FRMD4A: variants seen among roughly 807,000 people sequenced by gnomAD.
The protein encoded by FRMD4A is FERM domain-containing protein 4A.
In FRMD4A, 29 loss-of-function variants were observed where a neutral mutation model predicts 129.1. The ratio of observed to expected loss-of-function variants is 0.22; its 90% CI spans 0.17 to 0.31. The LOEUF (loss-of-function observed/expected upper bound fraction) is 0.31, where lower values mean the gene tolerates loss of function less well. Ranked by LOEUF, FRMD4A falls within the 10% of genes least tolerant of loss-of-function variation. The pLI, the probability that FRMD4A is intolerant of heterozygous loss-of-function variation, is 1.00. For missense variants in FRMD4A, 1,272 were observed against 1,375.8 expected (o/e 0.92, Z 1.19); for synonymous variants, 634 against 571.6 (o/e 1.11, Z -1.56).
intron 2 of FRMD4A, among the ~76,000 whole-genome samples, chr10:14,279,279 C>T (rs923796017): frequency 3.3e-5 from 5 of 150,996 alleles, no homozygotes; most frequent in Admixed American, 6.6e-5. Flanking sequence ...ACCTCCGCCT[C>T]CCAGGTTCAT....
chr10:13,914,297 A>G (rs1187127715), intron 2 of FRMD4A, among the ~76,000 whole-genome samples: 3 of 152,236 alleles, frequency 2.0e-5, no homozygotes, highest in East Asian at 1.9e-4. Context: ...TAAAATAACC[A>G]TATACAAGGA....
intron 2 of FRMD4A, among the ~76,000 whole-genome samples, chr10:14,145,639 A>C (rs532584800): frequency 6.6e-6 from 1 of 152,220 alleles, no homozygotes; most frequent in Non-Finnish European, 1.5e-5. Flanking sequence ...CAAAAATTAT[A>C]TTGACTGTTA....
chr10:13,821,931 C>T lies in FRMD4A; in HGVS notation c.112-11023G>A, dbSNP rs911266871. ...GTGCCCGCCACACCTCCATCCTTTG[C>T]CCCCGCTAATGTTACACTTAGGGGA... On this transcript the variant is annotated intron_variant, in intron 3 of 24. Coordinates refer to ENST00000357447, the MANE Select transcript of FRMD4A (RefSeq NM_018027.5). This position sits in a 1 kb window ranked among gnomAD's most constrained non-coding sequence, Gnocchi z 4.3. 6.6e-6 allele frequency among the ~76,000 whole-genome samples: 1 copy of T among 152,122 alleles called. No homozygotes were observed. The highest frequency in any genetic ancestry group is 6.6e-5 in the Admixed American group (1 of 15,266).
intron 2 of FRMD4A, among the ~76,000 whole-genome samples, chr10:14,169,781 C>T (rs923758979): frequency 1.3e-5 from 2 of 152,188 alleles, no homozygotes; most frequent in Non-Finnish European, 2.9e-5. Flanking sequence ...CAAATCTCCT[C>T]TTATTCAAGT....
intron 2 of FRMD4A, among the ~76,000 whole-genome samples, chr10:14,135,278 A>G (rs1165295497): frequency 2.0e-5 from 3 of 152,204 alleles, no homozygotes; most frequent in African/African-American, 7.2e-5. Flanking sequence ...CTAACTTAGG[A>G]GTATGTGCCT....
intron 2 of FRMD4A, among the ~76,000 whole-genome samples, chr10:14,286,440 G>A (rs1845683179): frequency 6.6e-6 from 1 of 152,078 alleles, no homozygotes; most frequent in Admixed American, 6.5e-5. Context: ...TGCTCAAATT[G>A]CATTTTTTAT....
At chr10:13,792,593 G>T (rs1015879420) in intron 5 of FRMD4A, among the ~76,000 whole-genome samples, 1 of 152,164 alleles carries the variant, frequency 6.6e-6, no homozygotes, top group African/African-American at 2.4e-5. Flanking sequence ...TTTTAATTCG[G>T]AATAATCAGA....
Position 14,210,685 on chromosome 10 carries a change from C to A in FRMD4A, c.45+119373G>T, listed in dbSNP as rs555349548. On this transcript the variant is annotated intron_variant, in intron 2 of 24. Transcript: ENST00000357447. ...AGCATCTCCAATAGCCGCACTGTAT[C>A]ATGTGGGCCTTGACTGTGGATTTCC... Among the ~76,000 whole-genome samples, 22 of 152,234 alleles carry A rather than the reference C, an allele frequency of 1.4e-4. No individual in the cohort carries two copies. In the South Asian group the frequency reaches 4.6e-3, roughly 32 times the overall value.
intron 2 of FRMD4A, among the ~76,000 whole-genome samples, chr10:14,107,704 T>C (rs7893529): frequency 0.65 from 98,586 of 152,076 alleles, 32,093 homozygotes; most frequent in East Asian, 0.78. Flanking sequence ...AAACAGCATA[T>C]ACTTTCTCAC....
In FRMD4A at chr10:13,850,208, CA is replaced by C. The variant is rs200364280; in HGVS notation, c.111+8638del. On this transcript the variant is annotated intron_variant, in intron 3 of 24. Coordinates refer to ENST00000357447, the MANE Select transcript of FRMD4A (RefSeq NM_018027.5). ...TGGGTGACAGAGTGAGGCTCCATCT[CA>C]AAAAAAAAGAGAACCAAGTTTATTC... is the stretch of plus-strand genomic sequence containing the variant. 8.7e-5 allele frequency among the ~76,000 whole-genome samples: 13 copies of C among 148,722 alleles called. 1 individual carries two copies. The highest frequency in any genetic ancestry group is 3.0e-4 in the African/African-American group (12 of 40,486).
chr10:14,035,108 G>A (rs562065165), intron 2 of FRMD4A, among the ~76,000 whole-genome samples: 3 of 152,232 alleles, frequency 2.0e-5, no homozygotes, highest in South Asian at 2.1e-4. Flanking sequence ...TATATGCTAC[G>A]TTAGGGAATT....
chr10:14,167,998 G>C (rs1325987364), intron 2 of FRMD4A, among the ~76,000 whole-genome samples: 6 of 152,214 alleles, frequency 3.9e-5, no homozygotes, highest in African/African-American at 1.2e-4. Context: ...CTTGGATTCA[G>C]TGAGTCGGGA....
At chr10:13,891,600 G>T (rs2094697546) in intron 2 of FRMD4A, 1 of 985,372 alleles carries the variant, frequency 1.0e-6, no homozygotes, top group East Asian at 1.1e-4. Context: ...CTGCCACCGC[G>T]ACCGGGAAAC....
chr10:14,011,195 C>G (rs2095681058), intron 2 of FRMD4A, among the ~76,000 whole-genome samples: 1 of 152,118 alleles, frequency 6.6e-6, no homozygotes, highest in South Asian at 2.1e-4. Context: ...TCCATTGAAC[C>G]CAACAGGAAA....
chr10:13,763,413 G>T (rs2130706225), intron 6 of FRMD4A, among the ~76,000 whole-genome samples: 1 of 152,268 alleles, frequency 6.6e-6, no homozygotes, highest in South Asian at 2.1e-4. Flanking sequence ...TAAAAATATA[G>T]TTCCTCGGTT....
At chr10:14,296,997 T>C (rs1301113723) in intron 2 of FRMD4A, among the ~76,000 whole-genome samples, 1 of 152,196 alleles carries the variant, frequency 6.6e-6, no homozygotes, top group Non-Finnish European at 1.5e-5. Context: ...CTTCTCATCG[T>C]AGTGCTGCCC....
intron 2 of FRMD4A, among the ~76,000 whole-genome samples, chr10:14,299,869 G>C (rs754265810): frequency 6.6e-6 from 1 of 152,206 alleles, no homozygotes; most frequent in Non-Finnish European, 1.5e-5. Context: ...AGGAGCAGGC[G>C]TCTGGGAGTG....
At chr10:13,898,054 G>C (rs1230394895) in intron 2 of FRMD4A, among the ~76,000 whole-genome samples, 9 of 151,846 alleles carry the variant, frequency 5.9e-5, no homozygotes, top group African/African-American at 2.2e-4. Context: ...TTTGCCCCAA[G>C]CACCTTAGTG....
intron 2 of FRMD4A, among the ~76,000 whole-genome samples, chr10:14,290,114 G>C (rs1589270871): frequency 6.6e-6 from 1 of 152,038 alleles, no homozygotes; most frequent in African/African-American, 2.4e-5. Flanking sequence ...AAGACATCTT[G>C]TGTTTATGGC....
Sources: gnomAD v4.1 joint callset for allele counts (sites outside exome capture counted in the v4.1 genomes callset) on GRCh38, gnomAD v4.1.1 for gene constraint, Gnocchi (gnomAD v3.1) non-coding constraint, MANE v1.5 for transcripts, NCBI Gene and HGNC (gene_info 2026-07-23, HGNC 2026-07-21) for gene names.